Variants in SCD5 observed in about 807,000 individuals in gnomAD.
SCD5 encodes the protein acyl-CoA-desaturase 4.
SCD5 carries 20 observed loss-of-function variants against 30.4 expected under a neutral mutation model. That is an observed-to-expected ratio of 0.66 (90% confidence interval 0.46 to 0.96). The LOEUF (loss-of-function observed/expected upper bound fraction) is 0.96, where lower values mean the gene tolerates loss of function less well. Ranked by LOEUF, SCD5 falls within the 40% of genes least tolerant of loss-of-function variation. The probability of loss-of-function intolerance (pLI) is 0.00; values close to 1 mark genes in which losing one functional copy is unlikely to be tolerated. For synonymous variants in SCD5, 173 were observed against 176.4 expected (o/e 0.98, Z 0.16); for missense variants, 381 against 443.3 (o/e 0.86, Z 1.26).
intron 1 of SCD5, among the ~76,000 whole-genome samples, chr4:82,725,867 G>GA (rs1304368137): frequency 2.1e-5 from 1 of 48,434 alleles, no homozygotes; most frequent in Admixed American, 2.2e-4. Context: ...TTCAAAAAAA[G>GA]AAAAAAAAAG....
intron 1 of SCD5, among the ~76,000 whole-genome samples, chr4:82,713,990 G>A (rs1720166172): frequency 6.6e-6 from 1 of 152,060 alleles, no homozygotes; most frequent in Non-Finnish European, 1.5e-5. Context: ...CTACATGACT[G>A]CACATGGCCA....
chr4:82,796,227 A>T (rs892020013), intron 1 of SCD5, among the ~76,000 whole-genome samples: 7 of 151,098 alleles, frequency 4.6e-5, no homozygotes, highest in African/African-American at 7.3e-5. Flanking sequence ...CCGAGATCGC[A>T]CCACTGCACT....
chr4:82,758,363 G>A (rs1183549412), intron 1 of SCD5, among the ~76,000 whole-genome samples: 1 of 152,142 alleles, frequency 6.6e-6, no homozygotes. Flanking sequence ...TACTTGGGAG[G>A]CAGGAGGACC....
intron 1 of SCD5, among the ~76,000 whole-genome samples, chr4:82,753,854 T>C (rs1721165269): frequency 6.6e-6 from 1 of 152,124 alleles, no homozygotes; most frequent in South Asian, 2.1e-4. Context: ...GTATTCCATT[T>C]CCTTGAGGCC....
chr4:82,736,801 T>TA (rs1182349980), intron 1 of SCD5, among the ~76,000 whole-genome samples: 1 of 151,926 alleles, frequency 6.6e-6, no homozygotes, highest in Non-Finnish European at 1.5e-5. Flanking sequence ...TAGCTGGAAC[T>TA]ACAGATGCAT....
intron 3 of SCD5, among the ~76,000 whole-genome samples, chr4:82,642,815 T>C (rs990279755): frequency 6.6e-6 from 1 of 152,252 alleles, no homozygotes. Context: ...TGGGCATTTC[T>C]ATTTTTAAAG....
intron 3 of SCD5, among the ~76,000 whole-genome samples, chr4:82,668,563 G>C (rs1728241005): frequency 1.3e-5 from 2 of 152,348 alleles, no homozygotes; most frequent in Non-Finnish European, 2.9e-5. Flanking sequence ...GATACATGTA[G>C]AAAAGAGAAA....
intron 1 of SCD5, among the ~76,000 whole-genome samples, chr4:82,792,301 G>A (rs1052188323): frequency 5.3e-5 from 8 of 152,118 alleles, no homozygotes; most frequent in Admixed American, 4.6e-4. Flanking sequence ...TGAGTCACAA[G>A]TACTCCAAGT....
intron 2 of SCD5, among the ~76,000 whole-genome samples, chr4:82,699,724 C>T (rs915348846): frequency 1.3e-5 from 2 of 151,362 alleles, no homozygotes; most frequent in African/African-American, 4.9e-5. Flanking sequence ...TGCAGTGGCA[C>T]AATCTCAGCT....
chr4:82,688,808 C>A, intron 2 of SCD5, among the ~76,000 whole-genome samples: 2 of 152,316 alleles, frequency 1.3e-5, no homozygotes, highest in African/African-American at 4.8e-5. Context: ...TTCATATTTT[C>A]TTCTATTACT....
intron 3 of SCD5, among the ~76,000 whole-genome samples, chr4:82,663,517 C>T (rs1420531188): frequency 6.6e-6 from 1 of 152,206 alleles, no homozygotes; most frequent in African/African-American, 2.4e-5. Context: ...CCCCAGGGCC[C>T]TCTCTTACAA....
intron 1 of SCD5, among the ~76,000 whole-genome samples, chr4:82,769,912 T>C (rs546279135): frequency 1.3e-4 from 20 of 151,800 alleles, no homozygotes; most frequent in South Asian, 8.3e-4. Context: ...TTTAAAACTA[T>C]ATCAAAATAA....
At chr4:82,729,661 C>T (rs1053046547) in intron 1 of SCD5, among the ~76,000 whole-genome samples, 1 of 152,074 alleles carries the variant, frequency 6.6e-6, no homozygotes, top group Admixed American at 6.6e-5. Flanking sequence ...CCAAAATATG[C>T]CTTTTTAGGA....
At chr4:82,675,741 G>A (rs1459590049) in intron 3 of SCD5, among the ~76,000 whole-genome samples, 2 of 152,164 alleles carry the variant, frequency 1.3e-5, no homozygotes, top group Non-Finnish European at 2.9e-5. Flanking sequence ...TCTTCATTTT[G>A]TCATCTGAGA....
intron 1 of SCD5, among the ~76,000 whole-genome samples, chr4:82,709,044 A>G (rs1720026131): frequency 6.6e-6 from 1 of 152,166 alleles, no homozygotes; most frequent in Non-Finnish European, 1.5e-5. Flanking sequence ...AGATGAAGAA[A>G]ACTTGACAGT....
intron 1 of SCD5, among the ~76,000 whole-genome samples, chr4:82,729,981 C>T (rs4693051): frequency 0.53 from 79,746 of 151,878 alleles, 21,915 homozygotes; most frequent in African/African-American, 0.68. Flanking sequence ...TCTTTGTCAT[C>T]TCTCTAAAAC....
Position 82,797,371 on chromosome 4 carries a change from G to C in SCD5, c.232+935C>G, listed in dbSNP as rs145892324. 3.0e-4 allele frequency among the ~76,000 whole-genome samples: 46 copies of C among 152,324 alleles called. 1 individual carries two copies. Among genetic ancestry groups the C allele is most frequent in the African/African-American group, 1.0e-3 (43 of 41,570 alleles). On this transcript the variant is annotated intron_variant, in intron 1 of 4. Coordinates refer to ENST00000319540, the MANE Select transcript of SCD5 (RefSeq NM_001037582.3). ...CCTGGCTACTGCCGCTTCAGTAAAG[G>C]AGGCCAAAACCAGTTATTGCGGCCA...
intron 1 of SCD5, among the ~76,000 whole-genome samples, chr4:82,712,299 T>TATACATATATATATATATACG (rs1560540883): frequency 6.2e-5 from 2 of 32,030 alleles, no homozygotes; most frequent in Non-Finnish European, 1.3e-4. Flanking sequence ...TATATATATT[T>TATACATATATATATATATACG]TATTTTTATT....
intron 3 of SCD5, among the ~76,000 whole-genome samples, chr4:82,652,827 T>C (rs889217180): frequency 1.3e-5 from 2 of 152,198 alleles, no homozygotes; most frequent in Admixed American, 6.5e-5. Flanking sequence ...TAAATGTATA[T>C]GCAAGGCATT....
Sources: gnomAD v4.1 joint callset for allele counts (sites outside exome capture counted in the v4.1 genomes callset) on GRCh38, gnomAD v4.1.1 for gene constraint, MANE v1.5 for transcripts, NCBI Gene and HGNC (gene_info 2026-07-23, HGNC 2026-07-21) for gene names.